The following NTN4 variants were observed in gnomAD, a reference collection of about 807,000 sequenced individuals.
NTN4 encodes the protein netrin-4.
A neutral mutation model predicts 73.6 loss-of-function variants in NTN4; 32 were observed. That is an observed-to-expected ratio of 0.44 (90% CI 0.33 to 0.58). The LOEUF (loss-of-function observed/expected upper bound fraction) is 0.58, where lower values mean the gene tolerates loss of function less well. NTN4 is among the 20% of genes least tolerant of loss of function. The probability of loss-of-function intolerance (pLI) is 0.04; values close to 1 mark genes in which losing one functional copy is unlikely to be tolerated. For missense variants in NTN4, 654 were observed against 798.3 expected, an observed-to-expected ratio of 0.82 and a Z score of 2.18; for synonymous variants, 258 against 287.5, an observed-to-expected ratio of 0.90 and a Z score of 1.04.
At chr12:95,680,006 T>C (rs1019020886) in intron 7 of NTN4, among the ~76,000 whole-genome samples, 1 of 152,192 alleles carries the variant, frequency 6.6e-6, no homozygotes, top group Non-Finnish European at 1.5e-5. Flanking sequence ...CAGAATTTTT[T>C]TCCCCTCAAA....
At chr12:95,702,194 C>G (rs2078489931) in intron 5 of NTN4, among the ~76,000 whole-genome samples, 1 of 150,520 alleles carries the variant, frequency 6.6e-6, no homozygotes, top group Non-Finnish European at 1.5e-5. Context: ...GCAGGAGAAT[C>G]ATTTGAACCT....
In NTN4 at chr12:95,657,945, A is replaced by G. The variant is rs2078104355; in HGVS notation, c.*1141T>C. ...AAATTATTCATATGGCACTGTGTTC[A>G]TGTTTTGTATATTCAAGTACAAAAG... On this transcript the variant is annotated 3_prime_UTR_variant, in exon 10 of 10. Transcript: ENST00000343702. 6.6e-6 allele frequency: 1 copy of G among 152,614 alleles called. No individual in the cohort carries two copies. The highest frequency in any genetic ancestry group is 1.5e-5 in the Non-Finnish European group (1 of 68,012). The allele number at this position is 152,614 out of a possible 1,614,324, so 9.5% of individuals were successfully genotyped here.
chr12:95,661,720 A>G (rs1345063117), intron 9 of NTN4, among the ~76,000 whole-genome samples: 1 of 152,220 alleles, frequency 6.6e-6, no homozygotes, highest in Non-Finnish European at 1.5e-5. Context: ...AAGATAGAAG[A>G]GATAGAGGAA....
At chr12:95,750,918 T>C (rs1408160845) in intron 2 of NTN4, among the ~76,000 whole-genome samples, 21 of 148,316 alleles carry the variant, frequency 1.4e-4, no homozygotes, top group African/African-American at 3.3e-4. Context: ...AGCAATTTAC[T>C]CTTAAAAAGG....
intron 3 of NTN4, among the ~76,000 whole-genome samples, chr12:95,729,077 A>G (rs1307253288): frequency 2.6e-5 from 4 of 152,124 alleles, no homozygotes; most frequent in South Asian, 2.1e-4. Context: ...CTCCTTTCTT[A>G]TAAGTTACCC....
intron 5 of NTN4, among the ~76,000 whole-genome samples, chr12:95,697,530 C>T (rs190738836): frequency 1.2e-3 from 175 of 152,046 alleles, no homozygotes; most frequent in African/African-American, 4.1e-3. Context: ...TTCCATCTTT[C>T]CTATACTAAG....
At chr12:95,670,931 T>C (rs1020639731) in intron 7 of NTN4, 1 of 151,294 alleles carries the variant, frequency 6.6e-6, no homozygotes, top group Non-Finnish European at 1.5e-5. Context: ...ACTTTCAAAA[T>C]GCCTTTGTGC....
At chr12:95,750,848 C>A (rs191099736) in intron 2 of NTN4, among the ~76,000 whole-genome samples, 1 of 152,332 alleles carries the variant, frequency 6.6e-6, no homozygotes, top group African/African-American at 2.4e-5. Flanking sequence ...ATCACCTCCC[C>A]TCCTCACACC....
chr12:95,665,996 T>A lies in NTN4; in HGVS notation c.1580-16A>T, dbSNP rs951677641. ...ATTTTTAGCACTGTTAACACAGAAGTCAAAATGCATAGAATTTCATATTAT... is the reference window on the plus strand; with the variant it reads ...ATTTTTAGCACTGTTAACACAGAAGACAAAATGCATAGAATTTCATATTAT... On this transcript the variant is annotated splice_polypyrimidine_tract_variant and intron_variant, in intron 8 of 9. Transcript: ENST00000343702. The A allele has an allele frequency of 5.1e-6, 8 of 1,558,430 alleles. No individual in the cohort carries two copies. The highest frequency in any genetic ancestry group is 7.0e-6 in the Non-Finnish European group (8 of 1,140,892).
intron 2 of NTN4, among the ~76,000 whole-genome samples, chr12:95,769,419 A>G (rs1338654737): frequency 6.6e-6 from 1 of 152,188 alleles, no homozygotes; most frequent in African/African-American, 2.4e-5. Flanking sequence ...GTCTTAAAAG[A>G]AAAACTTCAG....
chr12:95,756,668 C>T (rs765152602), intron 2 of NTN4, among the ~76,000 whole-genome samples: 13 of 152,180 alleles, frequency 8.5e-5, no homozygotes, highest in Admixed American at 3.3e-4. Flanking sequence ...CTCTTGCCTG[C>T]TTGACCTCTG....
At chr12:95,743,372 G>T (rs1430523566) in intron 2 of NTN4, among the ~76,000 whole-genome samples, 1 of 151,828 alleles carries the variant, frequency 6.6e-6, no homozygotes, top group South Asian at 2.1e-4. Context: ...TCTTTTACTA[G>T]TTTCTTAAAG....
intron 2 of NTN4, among the ~76,000 whole-genome samples, chr12:95,758,627 C>T (rs369504391): frequency 7.9e-5 from 12 of 152,190 alleles, no homozygotes; most frequent in African/African-American, 1.2e-4. Flanking sequence ...AACAGTGGCA[C>T]GATCACGGCT....
At chr12:95,663,786 T>G (rs1039178420) in intron 9 of NTN4, among the ~76,000 whole-genome samples, 6 of 152,234 alleles carry the variant, frequency 3.9e-5, no homozygotes, top group Non-Finnish European at 8.8e-5. Context: ...CAGTTGATTC[T>G]TTGACTTGGC....
chr12:95,763,620 G>A (rs1325390037), intron 2 of NTN4, among the ~76,000 whole-genome samples: 3 of 152,190 alleles, frequency 2.0e-5, no homozygotes, highest in African/African-American at 7.2e-5. Flanking sequence ...TGACCTCTCT[G>A]TAACTCGTAA....
chr12:95,729,494 T>C (rs927075388), intron 3 of NTN4, among the ~76,000 whole-genome samples: 1 of 152,162 alleles, frequency 6.6e-6, no homozygotes, highest in Non-Finnish European at 1.5e-5. Context: ...TGCTAAGATG[T>C]AATGCAATCG....
intron 5 of NTN4, among the ~76,000 whole-genome samples, chr12:95,686,613 C>T (rs1313199994): frequency 2.0e-5 from 3 of 152,000 alleles, no homozygotes; most frequent in African/African-American, 7.2e-5. Context: ...CAAACATTAG[C>T]CGGGCGTGAT....
chr12:95,775,483 TAATATTGCGCTTTTCCA>T (rs1474726566), intron 2 of NTN4, among the ~76,000 whole-genome samples: 1 of 152,242 alleles, frequency 6.6e-6, no homozygotes, highest in Middle Eastern at 3.2e-3. Context: ...ACTCCCACCC[TAATATTGCGCTTTTCCA>T]ATGGTCTTAG....
intron 4 of NTN4, 77 bp from the exon 5 acceptor site, chr12:95,710,706 A>G: frequency 7.1e-7 from 1 of 1,417,922 alleles, no homozygotes; most frequent in African/African-American, 1.4e-5. Context: ...CAGATAGGTA[A>G]AAATAGGATG....
Sources: allele counts gnomAD v4.1 joint callset (sites outside exome capture counted in the v4.1 genomes callset), GRCh38; gene constraint gnomAD v4.1.1; transcripts MANE v1.5; gene names NCBI Gene and HGNC (gene_info 2026-07-23, HGNC 2026-07-21).